SLC44A5: variants seen among roughly 807,000 people sequenced by gnomAD.
SLC44A5 encodes the protein solute carrier family 44 member 5.
A neutral mutation model predicts 101.8 loss-of-function variants in SLC44A5; 57 were observed. The observed-to-expected ratio is 0.56, with a 90% CI of 0.45 to 0.70. The LOEUF is 0.70. Ranked by LOEUF, SLC44A5 falls within the 30% of genes least tolerant of loss-of-function variation. SLC44A5 has a pLI of 0.00. For synonymous variants in SLC44A5, 281 were observed against 290.9 expected (o/e 0.97, Z 0.35); for missense variants, 737 against 853.1 (o/e 0.86, Z 1.70).
At chr1:75,271,899 T>G (rs1424986781) in intron 6 of SLC44A5, among the ~76,000 whole-genome samples, 2 of 152,180 alleles carry the variant, frequency 1.3e-5, no homozygotes. Flanking sequence ...CATACTGTTT[T>G]CCATACTGGT....
the SLC44A5 span, among the ~76,000 whole-genome samples, chr1:75,657,623 A>G: frequency 5.9e-5 from 9 of 152,234 alleles, no homozygotes; most frequent in Non-Finnish European, 1.2e-4. Flanking sequence ...AAGAATAGCT[A>G]TATTTACATC....
intron 3 of SLC44A5, among the ~76,000 whole-genome samples, chr1:75,384,227 G>A (rs1201885582): frequency 6.6e-6 from 1 of 152,130 alleles, no homozygotes; most frequent in African/African-American, 2.4e-5. Flanking sequence ...ACATGTAAAT[G>A]GACTAAATGC....
chr1:75,691,169 C>G, the SLC44A5 span, among the ~76,000 whole-genome samples: 1 of 152,078 alleles, frequency 6.6e-6, no homozygotes, highest in Non-Finnish European at 1.5e-5. Context: ...TGTCAAGAGC[C>G]TGAACACCAG....
the SLC44A5 span, among the ~76,000 whole-genome samples, chr1:75,635,536 C>G: frequency 6.6e-6 from 1 of 150,660 alleles, no homozygotes; most frequent in Non-Finnish European, 1.5e-5. Context: ...GGAAATCATT[C>G]TCAGTAAACT....
intron 1 of SLC44A5, among the ~76,000 whole-genome samples, chr1:75,605,928 G>T (rs549725626): frequency 6.6e-6 from 1 of 151,988 alleles, no homozygotes; most frequent in East Asian, 1.9e-4. Flanking sequence ...TTGACAATTT[G>T]CACTAGGTAA....
At chr1:75,654,500 G>T in the SLC44A5 span, among the ~76,000 whole-genome samples, 3 of 152,122 alleles carry the variant, frequency 2.0e-5, no homozygotes, top group Non-Finnish European at 2.9e-5. Context: ...ACAATAGAAA[G>T]ATACCAACAA....
chr1:75,476,391 C>T (rs921511494), intron 2 of SLC44A5, among the ~76,000 whole-genome samples: 2 of 152,142 alleles, frequency 1.3e-5, no homozygotes, highest in Non-Finnish European at 2.9e-5. Flanking sequence ...GAGTGCCAGA[C>T]AGTGGGCGCA....
chr1:75,546,119 G>A (rs1671641318), intron 1 of SLC44A5, among the ~76,000 whole-genome samples: 2 of 151,866 alleles, frequency 1.3e-5, no homozygotes, highest in African/African-American at 2.4e-5. Flanking sequence ...AAGGTGCCCA[G>A]CCCATTCTTT....
chr1:75,587,893 C>T (rs959913584), intron 1 of SLC44A5, among the ~76,000 whole-genome samples: 6 of 152,128 alleles, frequency 3.9e-5, no homozygotes, highest in African/African-American at 7.2e-5. Flanking sequence ...CTGGCACTCG[C>T]AGGTTCCCCT....
the SLC44A5 span, among the ~76,000 whole-genome samples, chr1:75,658,867 T>C: frequency 6.6e-6 from 1 of 151,994 alleles, no homozygotes; most frequent in Non-Finnish European, 1.5e-5. Context: ...AATAAAATTT[T>C]AAAACCTTTA....
intron 2 of SLC44A5, among the ~76,000 whole-genome samples, chr1:75,422,107 C>T (rs773241155): frequency 7.2e-5 from 11 of 151,990 alleles, no homozygotes; most frequent in Non-Finnish European, 1.5e-4. Flanking sequence ...AGAGGCTGTG[C>T]TTTTTCACCC....
chr1:75,378,767 G>A (rs369371252), intron 3 of SLC44A5, among the ~76,000 whole-genome samples: 3,733 of 79,558 alleles, frequency 0.047, 1,393 homozygotes, highest in African/African-American at 0.15. Context: ...TCAGGTGCCC[G>A]TAAGATTACA....
At chr1:75,489,708 TA>T (rs1359140971) in intron 2 of SLC44A5, among the ~76,000 whole-genome samples, 5 of 150,374 alleles carry the variant, frequency 3.3e-5, no homozygotes, top group African/African-American at 1.3e-4. Flanking sequence ...AAAGACAACT[TA>T]AAAAAATTTG....
intron 2 of SLC44A5, among the ~76,000 whole-genome samples, chr1:75,459,702 C>G (rs947287700): frequency 3.9e-5 from 6 of 152,198 alleles, no homozygotes; most frequent in Non-Finnish European, 5.9e-5. Context: ...CTTATCAGCA[C>G]ACAATTATTA....
the SLC44A5 span, among the ~76,000 whole-genome samples, chr1:75,651,520 C>A: frequency 6.6e-6 from 1 of 151,770 alleles, no homozygotes; most frequent in East Asian, 1.9e-4. Context: ...CACGGTGAAA[C>A]CTCCTCTCTA....
At chr1:75,698,479 T>G in the SLC44A5 span, among the ~76,000 whole-genome samples, 1 of 144,880 alleles carries the variant, frequency 6.9e-6, no homozygotes, top group South Asian at 2.2e-4. Context: ...ACAGAAAGGG[T>G]ATCCACACCA....
chr1:75,218,021 A>G, intron 17 of SLC44A5, 61 bp from the exon 18 acceptor site: 1 of 1,116,282 alleles, frequency 9.0e-7, no homozygotes, highest in Non-Finnish European at 1.3e-6. Context: ...GGGGATGCTA[A>G]TTGAATAATT....
At chr1:75,206,797 G>T (rs563329930) in intron 23 of SLC44A5, 4 of 821,532 alleles carry the variant, frequency 4.9e-6, no homozygotes, top group Non-Finnish European at 7.9e-6. Flanking sequence ...TTGGAGGGTC[G>T]AACAGGGAAA....
At position 75,213,001 on chromosome 1, in the gene SLC44A5, G is replaced by T. The variant is rs117135132; in HGVS notation, c.1962+704C>A. ...CCCAAAGTTATACCCTCGTGCAGGG[G>T]TCAGTTCATGACCAAAAACTGCCTG... is the stretch of plus-strand genomic sequence containing the variant. On this transcript the variant is annotated intron_variant, in intron 22 of 23. Coordinates refer to ENST00000370859, the MANE Select transcript of SLC44A5 (RefSeq NM_001130058.2). 8.5e-5 allele frequency among the ~76,000 whole-genome samples: 13 copies of T among 152,252 alleles called. No individual in the cohort carries two copies. In the East Asian group the frequency reaches 2.5e-3, roughly 29 times the overall value.
Sources: gnomAD v4.1 joint callset for allele counts (sites outside exome capture counted in the v4.1 genomes callset) on GRCh38, gnomAD v4.1.1 for gene constraint, MANE v1.5 for transcripts, NCBI Gene and HGNC (gene_info 2026-07-23, HGNC 2026-07-21) for gene names.